The following METTL8 variants were observed in gnomAD, a reference collection of about 807,000 sequenced individuals.
METTL8 encodes the protein tRNA N(3)-cytidine methyltransferase METTL8, mitochondrial.
A neutral mutation model predicts 48.7 loss-of-function variants in METTL8; 32 were observed. The ratio of observed to expected loss-of-function variants is 0.66; its 90% CI spans 0.50 to 0.88. The LOEUF (loss-of-function observed/expected upper bound fraction) is 0.88, where lower values mean the gene tolerates loss of function less well. METTL8 is among the 40% of genes least tolerant of loss of function. The probability of loss-of-function intolerance (pLI) is 0.00; values close to 1 mark genes in which losing one functional copy is unlikely to be tolerated. For missense variants in METTL8, 464 were observed against 474.4 expected, an observed-to-expected ratio of 0.98 and a Z score of 0.20; for synonymous variants, 136 against 157.1, an observed-to-expected ratio of 0.87 and a Z score of 1.01.
At chr2:171,361,388 C>CTAG (rs1313857703) in intron 2 of METTL8, among the ~76,000 whole-genome samples, 1 of 151,792 alleles carries the variant, frequency 6.6e-6, no homozygotes, top group African/African-American at 2.4e-5. Flanking sequence ...GAAGAAAAAC[C>CTAG]CCTAACACTA....
At chr2:171,419,647 T>C (rs192055235) in intron 1 of METTL8, among the ~76,000 whole-genome samples, 47 of 152,278 alleles carry the variant, frequency 3.1e-4, no homozygotes, top group African/African-American at 1.0e-3. Context: ...GGTCAACACC[T>C]TTTCTCTGGC....
intron 3 of METTL8, among the ~76,000 whole-genome samples, chr2:171,351,871 A>G (rs990589616): frequency 6.6e-6 from 1 of 152,136 alleles, no homozygotes; most frequent in Non-Finnish European, 1.5e-5. Context: ...GGGCTGAGAC[A>G]ATGGGGTTTT....
intron 1 of METTL8, among the ~76,000 whole-genome samples, chr2:171,394,455 C>T (rs1363931561): frequency 2.0e-5 from 3 of 151,482 alleles, no homozygotes; most frequent in Non-Finnish European, 4.4e-5. Flanking sequence ...TAGACAGAGA[C>T]AAAAAGATAC....
intron 2 of METTL8, 103 bp downstream of exon 2, chr2:171,391,940 A>T: frequency 8.6e-7 from 1 of 1,156,926 alleles, no homozygotes; most frequent in Non-Finnish European, 1.2e-6. Flanking sequence ...AACATGAGTT[A>T]GGTCATCAGC....
At chr2:171,338,113 G>T (rs1425096760) in intron 4 of METTL8, among the ~76,000 whole-genome samples, 1 of 152,020 alleles carries the variant, frequency 6.6e-6, no homozygotes, top group African/African-American at 2.4e-5. Context: ...AACAATAAAA[G>T]AAAATGCAGG....
intron 3 of METTL8, among the ~76,000 whole-genome samples, chr2:171,359,913 T>C (rs1684989859): frequency 6.6e-6 from 1 of 152,180 alleles, no homozygotes. Flanking sequence ...GATAGTAGCA[T>C]AGGCCAATTT....
At chr2:171,426,537 C>T (rs918130222) in intron 1 of METTL8, among the ~76,000 whole-genome samples, 1 of 152,082 alleles carries the variant, frequency 6.6e-6, no homozygotes, top group African/African-American at 2.4e-5. Flanking sequence ...GCTATGATAT[C>T]TGTAACATAG....
intron 3 of METTL8, among the ~76,000 whole-genome samples, chr2:171,356,052 G>A (rs1575818239): frequency 6.6e-6 from 1 of 152,188 alleles, no homozygotes; most frequent in East Asian, 1.9e-4. Flanking sequence ...CCCGTCTTCT[G>A]CATCGCTCAT....
upstream of METTL8, chr2:171,434,258 A>C (rs1170442942): frequency 5.9e-6 from 3 of 506,740 alleles, no homozygotes; most frequent in Admixed American, 2.3e-5. Context: ...GGCACTAGGA[A>C]CTACATTTCC....
rs192316650 is a variant in METTL8, at chr2:171,380,177, G to C, written c.143+11866C>G. ...TGATTATTTCAATAGATGCAGAAAA[G>C]GCCTTCAATAAAATTCAACATCCCT... On this transcript the variant is annotated intron_variant, in intron 2 of 9. Transcript: ENST00000375258. Among the ~76,000 whole-genome samples, 53 of 152,196 alleles carry C rather than the reference G, an allele frequency of 3.5e-4. No homozygotes were observed. In the Middle Eastern group the frequency reaches 0.02, roughly 59 times the overall value.
At chr2:171,340,498 C>CAAAAA (rs760579218) in intron 3 of METTL8, among the ~76,000 whole-genome samples, 3 of 42,908 alleles carry the variant, frequency 7.0e-5, no homozygotes, top group African/African-American at 9.2e-5. Context: ...TGAGTTGTCT[C>CAAAAA]AAAAAAAAAA....
At chr2:171,422,786 C>T (rs1692004066) in intron 1 of METTL8, among the ~76,000 whole-genome samples, 1 of 152,042 alleles carries the variant, frequency 6.6e-6, no homozygotes, top group South Asian at 2.1e-4. Flanking sequence ...ACTACATTGG[C>T]AAAAACTTAA....
chr2:171,370,641 A>C (rs1281370989), intron 2 of METTL8, among the ~76,000 whole-genome samples: 2 of 152,114 alleles, frequency 1.3e-5, no homozygotes, highest in Non-Finnish European at 2.9e-5. Flanking sequence ...AATACAAAAA[A>C]TTAGCCGGGT....
chr2:171,330,615 A>G lies in METTL8; in HGVS notation c.804T>C (p.Asp268=). Residue 268 remains aspartate (D), a synonymous_variant, in exon 7 of 10, where the codon GAT becomes GAC. Transcript: ENST00000375258. The part of the protein sequence containing the change: ...CDDGLPYPFP[D]GILDVILLVF... ...CAAGGAGAATGACATCCAGGATCCC[A>G]TCTGGAAAAGGGTAAGGTAAGCCAT... 1 of 1,613,640 alleles carries G rather than the reference A, an allele frequency of 6.2e-7. No homozygotes were observed.
At chr2:171,405,767 A>T (rs764211406) in intron 1 of METTL8, among the ~76,000 whole-genome samples, 2 of 152,212 alleles carry the variant, frequency 1.3e-5, no homozygotes, top group Non-Finnish European at 2.9e-5. Flanking sequence ...CAGAAAACAC[A>T]TCAGCTATGT....
chr2:171,381,072 C>A (rs1047626911), intron 2 of METTL8, among the ~76,000 whole-genome samples: 1 of 152,000 alleles, frequency 6.6e-6, no homozygotes, highest in Admixed American at 6.6e-5. Context: ...CGGAACAGAA[C>A]ACAGACCTCC....
At chr2:171,434,183 A>C, upstream of METTL8, 2 of 381,524 alleles carry the variant, frequency 5.2e-6, no homozygotes, top group South Asian at 3.8e-5. Context: ...AGGGCCGGGC[A>C]AGCCCTCGCT....
chr2:171,413,609 C>G (rs1185395569), intron 1 of METTL8, among the ~76,000 whole-genome samples: 1 of 151,916 alleles, frequency 6.6e-6, no homozygotes, highest in Non-Finnish European at 1.5e-5. Context: ...TTAATTTTTT[C>G]TTAGGTTACA....
At chr2:171,405,151 C>CT (rs1273875160) in intron 1 of METTL8, among the ~76,000 whole-genome samples, 1 of 152,080 alleles carries the variant, frequency 6.6e-6, no homozygotes, top group African/African-American at 2.4e-5. Flanking sequence ...ACATGACAAA[C>CT]TTTAAGGATC....
Sources: gnomAD v4.1 joint callset for allele counts (sites outside exome capture counted in the v4.1 genomes callset) on GRCh38, gnomAD v4.1.1 for gene constraint, MANE v1.5 for transcripts, NCBI Gene and HGNC (gene_info 2026-07-23, HGNC 2026-07-21) for gene names.